ZNF385D: variants seen among roughly 807,000 people sequenced by gnomAD.
ZNF385D encodes the protein zinc finger protein 659.
A neutral mutation model predicts 35.8 loss-of-function variants in ZNF385D; 15 were observed. That is an observed-to-expected ratio of 0.42 (90% confidence interval 0.28 to 0.64). The LOEUF is 0.64. ZNF385D is among the 30% of genes least tolerant of loss of function. ZNF385D has a pLI of 0.23. For synonymous variants in ZNF385D, 212 were observed against 186.8 expected, an observed-to-expected ratio of 1.13 and a Z score of -1.10; for missense variants, 474 against 494.6, an observed-to-expected ratio of 0.96 and a Z score of 0.39.
At chr3:21,649,444 T>G (rs2125211124) in intron 2 of ZNF385D, among the ~76,000 whole-genome samples, 1 of 152,192 alleles carries the variant, frequency 6.6e-6, no homozygotes. Flanking sequence ...TTGCTAAATT[T>G]TGCCCAGGAA....
chr3:21,707,403 G>C lies in ZNF385D; in HGVS notation c.23-42375C>G, dbSNP rs183817860. On this transcript the variant is annotated intron_variant, in intron 1 of 7. Coordinates refer to ENST00000281523, the MANE Select transcript of ZNF385D (RefSeq NM_024697.3). ...GCAGTAAGCACCGTTTAACTTTGAA[G>C]TGTTAGGATCATTACCAGGAGGCTT... Among the ~76,000 whole-genome samples the C allele has an allele frequency of 3.0e-3, 453 of 152,300 alleles. 3 individuals carry two copies. Among genetic ancestry groups the C allele is most frequent in the Non-Finnish European group, 5.2e-3 (357 of 68,036 alleles).
At chr3:22,357,394 T>C (rs192711390) in intron 2 of ZNF385D, among the ~76,000 whole-genome samples, 121 of 151,994 alleles carry the variant, frequency 8.0e-4, no homozygotes, top group Non-Finnish European at 1.1e-3. Flanking sequence ...ATCAAGCAAA[T>C]ACTTTTACAG....
chr3:22,307,850 T>C (rs368968968), intron 2 of ZNF385D, among the ~76,000 whole-genome samples: 2 of 151,970 alleles, frequency 1.3e-5, no homozygotes, highest in African/African-American at 4.8e-5. Context: ...ACACTGCATA[T>C]CTTCAGAGAA....
At chr3:21,546,546 C>T (rs192239760) in intron 3 of ZNF385D, among the ~76,000 whole-genome samples, 226 of 151,926 alleles carry the variant, frequency 1.5e-3, no homozygotes, top group Middle Eastern at 3.4e-3. Flanking sequence ...ATAAGGAGTC[C>T]ATGCAACCCC....
chr3:21,437,710 A>AAAC (rs927523868), intron 4 of ZNF385D, among the ~76,000 whole-genome samples: 3 of 148,708 alleles, frequency 2.0e-5, no homozygotes, highest in Admixed American at 2.0e-4. Flanking sequence ...ACAAAAAAAA[A>AAAC]AAAAAAAAAC....
chr3:21,917,030 T>C (rs555406932), intron 3 of ZNF385D, among the ~76,000 whole-genome samples: 1 of 152,326 alleles, frequency 6.6e-6, no homozygotes, highest in South Asian at 2.1e-4. Context: ...AATTTGTCTA[T>C]TTTGCTAATT....
intron 2 of ZNF385D, among the ~76,000 whole-genome samples, chr3:22,323,231 G>C (rs866959700): frequency 6.6e-6 from 1 of 152,044 alleles, no homozygotes; most frequent in Non-Finnish European, 1.5e-5. Flanking sequence ...AGTTTCAGTG[G>C]ATCAAGTTCT....
intron 3 of ZNF385D, among the ~76,000 whole-genome samples, chr3:21,976,024 G>A (rs946078445): frequency 1.3e-5 from 2 of 151,994 alleles, no homozygotes; most frequent in Admixed American, 1.3e-4. Context: ...AAGAAGAATG[G>A]CCCTAGCAAA....
At chr3:21,804,510 G>C (rs1443907270) in intron 3 of ZNF385D, among the ~76,000 whole-genome samples, 1 of 152,104 alleles carries the variant, frequency 6.6e-6, no homozygotes, top group Non-Finnish European at 1.5e-5. Flanking sequence ...AAAGCAGAGG[G>C]AGTGATATTT....
intron 2 of ZNF385D, among the ~76,000 whole-genome samples, chr3:22,298,138 G>A (rs1278592873): frequency 6.6e-6 from 1 of 151,722 alleles, no homozygotes; most frequent in East Asian, 1.9e-4. Context: ...GTCAAATGAA[G>A]TTAAAATCAA....
chr3:22,313,595 G>T lies in ZNF385D; in HGVS notation c.106+58855C>A, dbSNP rs906654731. Among the ~76,000 whole-genome samples the T allele has an allele frequency of 1.4e-4, 21 of 151,882 alleles. No individual in the cohort carries two copies. The East Asian group carries it at 4.1e-3, about 29-fold the overall frequency. On this transcript the variant is annotated intron_variant, in intron 2 of 5. Transcript: ENST00000494108. The stretch of plus-strand genomic sequence containing the variant: ...ACAACTCAAGAATTTTATGGTTAAG[G>T]GAAAAAAATAACTTAAGCTAAGGCA...
At chr3:21,816,691 A>C (rs1219660749) in intron 3 of ZNF385D, among the ~76,000 whole-genome samples, 2 of 152,164 alleles carry the variant, frequency 1.3e-5, no homozygotes, top group Admixed American at 6.5e-5. Context: ...AAGAGAACAC[A>C]AAAAAATGGA....
At chr3:21,740,208 A>G (rs530189001) in intron 1 of ZNF385D, among the ~76,000 whole-genome samples, 2 of 152,290 alleles carry the variant, frequency 1.3e-5, no homozygotes, top group East Asian at 3.9e-4. Flanking sequence ...AAGTATACTA[A>G]GGTTGGAAAC....
At chr3:21,684,407 CTCT>C (rs2067033210) in intron 1 of ZNF385D, among the ~76,000 whole-genome samples, 15 of 50,894 alleles carry the variant, frequency 2.9e-4, no homozygotes, top group African/African-American at 1.5e-3. Context: ...TCTCTCTCCT[CTCT>C]CTCTCTCTCT....
chr3:22,128,658 ACT>A (rs1168356435), intron 3 of ZNF385D, among the ~76,000 whole-genome samples: 3 of 151,760 alleles, frequency 2.0e-5, no homozygotes, highest in East Asian at 1.9e-4. Flanking sequence ...CTGTTGAGAG[ACT>A]CTGTTGCATT....
intron 3 of ZNF385D, among the ~76,000 whole-genome samples, chr3:21,990,739 A>G (rs1327625356): frequency 6.6e-6 from 1 of 152,224 alleles, no homozygotes; most frequent in Non-Finnish European, 1.5e-5. Flanking sequence ...GCCTGTTTCT[A>G]CAACATCTAC....
chr3:22,074,021 T>C (rs1286019737), intron 3 of ZNF385D, among the ~76,000 whole-genome samples: 1 of 152,000 alleles, frequency 6.6e-6, no homozygotes, highest in African/African-American at 2.4e-5. Flanking sequence ...TCTTCATATG[T>C]CCAGGGATCT....
chr3:22,027,255 T>C (rs963365689), intron 3 of ZNF385D, among the ~76,000 whole-genome samples: 1 of 152,186 alleles, frequency 6.6e-6, no homozygotes, highest in African/African-American at 2.4e-5. Context: ...ATTCCTCATT[T>C]GGGTGTGCTA....
intron 3 of ZNF385D, among the ~76,000 whole-genome samples, chr3:22,016,941 C>T (rs1431494571): frequency 6.7e-6 from 1 of 150,134 alleles, no homozygotes; most frequent in African/African-American, 2.4e-5. Context: ...ATCGGACACA[C>T]ACACACACAC....
Sources: gnomAD v4.1 joint callset for allele counts (sites outside exome capture counted in the v4.1 genomes callset) on GRCh38, gnomAD v4.1.1 for gene constraint, MANE v1.5 for transcripts, NCBI Gene and HGNC (gene_info 2026-07-23, HGNC 2026-07-21) for gene names.